ADD1: variants seen among roughly 807,000 people sequenced by gnomAD.
The protein encoded by ADD1 is adducin 1.
A neutral mutation model predicts 80.5 loss-of-function variants in ADD1; 24 were observed. The ratio of observed to expected loss-of-function variants is 0.30; its 90% confidence interval spans 0.22 to 0.42. The LOEUF (loss-of-function observed/expected upper bound fraction) is 0.42. Among genes scored for constraint, ADD1 ranks in the 10% least tolerant of loss-of-function variants. The probability of loss-of-function intolerance (pLI) is 1.00; values close to 1 mark genes in which losing one functional copy is unlikely to be tolerated. For missense variants in ADD1, 948 were observed against 1,019.0 expected (o/e 0.93, Z 0.95); for synonymous variants, 373 against 393.8 (o/e 0.95, Z 0.63).
chr4:2,852,692 A>G (rs929393653), intron 1 of ADD1, among the ~76,000 whole-genome samples: 1 of 143,142 alleles, frequency 7.0e-6, no homozygotes, highest in African/African-American at 2.5e-5. Context: ...AAAGCAGGAA[A>G]TATCTTTTTT....
chr4:2,876,669 T>G lies in ADD1; in HGVS notation c.195+559T>G, dbSNP rs994539080. ...GGCTAACACGGTGAAAACCCATCTC[T>G]ACTAAAAATACAAAAAAAAATTAGC... On this transcript the variant is annotated intron_variant, in intron 2 of 15. Coordinates refer to ENST00000683351, the MANE Select transcript of ADD1 (RefSeq NM_001354761.2). Among the ~76,000 whole-genome samples the G allele has an allele frequency of 2.0e-5, 3 of 152,056 alleles. No individual in the cohort carries two copies. The East Asian group carries it at 5.8e-4, about 29-fold the overall frequency.
At chr4:2,919,841 A>G (rs956089143) in intron 14 of ADD1, among the ~76,000 whole-genome samples, 1 of 151,220 alleles carries the variant, frequency 6.6e-6, no homozygotes, top group African/African-American at 2.4e-5. Flanking sequence ...TCTCTCCTTC[A>G]GTTCTGCACT....
chr4:2,926,742 GTTGTTTA>G lies in ADD1; in HGVS notation c.2047+633_2047+639del, dbSNP rs1711759376. The G allele has an allele frequency of 3.3e-6, 5 of 1,517,650 alleles. No homozygotes were observed. Among genetic ancestry groups the G allele is most frequent in the South Asian group, 2.3e-5 (2 of 85,322 alleles). 94.0% of individuals were successfully genotyped at this position (1,517,650 alleles called of 1,614,324 possible). ...CTTTGCCTCATTCTCCTGCTTCTTT[GTTGTTTA>G]TTAAGTTTTGTTTTCTGTTTATTTA... On this transcript the variant is annotated intron_variant, in intron 15 of 15. Coordinates refer to ENST00000683351, the MANE Select transcript of ADD1 (RefSeq NM_001354761.2). The surrounding 1 kb of genome is among the most constrained non-coding windows in gnomAD (Gnocchi z 5.0).
chr4:2,920,543 T>A (rs1343230425), intron 14 of ADD1, among the ~76,000 whole-genome samples: 5 of 152,178 alleles, frequency 3.3e-5, no homozygotes, highest in African/African-American at 4.8e-5. Flanking sequence ...TTTAAGATAG[T>A]TAGTTCTTGT....
intron 4 of ADD1, among the ~76,000 whole-genome samples, chr4:2,889,230 G>A (rs978231624): frequency 2.0e-5 from 3 of 152,192 alleles, no homozygotes; most frequent in East Asian, 1.9e-4. Context: ...GCAGCTCAGC[G>A]GGGTGGGGGA....
At chr4:2,892,735 T>C (rs1471073493) in intron 4 of ADD1, among the ~76,000 whole-genome samples, 2 of 151,906 alleles carry the variant, frequency 1.3e-5, no homozygotes, top group Admixed American at 6.6e-5. Context: ...CTCAGGAGGC[T>C]GAGATGTGTG....
intron 2 of ADD1, among the ~76,000 whole-genome samples, chr4:2,880,964 A>ATTTGAAAAGTAT (rs1732214131): frequency 6.6e-6 from 1 of 151,894 alleles, no homozygotes; most frequent in Non-Finnish European, 1.5e-5. Context: ...TTTAAAAGTA[A>ATTTGAAAAGTAT]TTTGAAAAGT....
intron 14 of ADD1, among the ~76,000 whole-genome samples, chr4:2,917,806 C>A (rs762862880): frequency 6.6e-6 from 1 of 152,138 alleles, no homozygotes; most frequent in Non-Finnish European, 1.5e-5. Context: ...TTGTTTTTGT[C>A]CAGTTTGTCA....
At chr4:2,845,214 A>G (rs1027795306) in intron 1 of ADD1, among the ~76,000 whole-genome samples, 2 of 152,102 alleles carry the variant, frequency 1.3e-5, no homozygotes, top group Non-Finnish European at 2.9e-5. Context: ...CTGGGACTAC[A>G]GGCGCGCGCC....
At chr4:2,925,324 G>A (rs1427087971) in intron 14 of ADD1, among the ~76,000 whole-genome samples, 1 of 152,044 alleles carries the variant, frequency 6.6e-6, no homozygotes, top group Non-Finnish European at 1.5e-5. Flanking sequence ...GATGATAGCT[G>A]CTGGTTCAAA....
intron 14 of ADD1, among the ~76,000 whole-genome samples, chr4:2,925,671 A>T (rs371437554): frequency 6.6e-6 from 1 of 152,224 alleles, no homozygotes; most frequent in Admixed American, 6.5e-5. Context: ...AGCAGGGAGA[A>T]GGCAGGGAGG....
chr4:2,860,023 T>C (rs146077225), intron 1 of ADD1, among the ~76,000 whole-genome samples: 1 of 152,098 alleles, frequency 6.6e-6, no homozygotes, highest in South Asian at 2.1e-4. Flanking sequence ...TCCTTCCTTA[T>C]AAAATCTTAC....
At chr4:2,913,597 C>G (rs150715325) in intron 13 of ADD1, among the ~76,000 whole-genome samples, 1 of 152,122 alleles carries the variant, frequency 6.6e-6, no homozygotes, top group Non-Finnish European at 1.5e-5. Context: ...CTGTCCCTCT[C>G]GGAGCTCTGT....
chr4:2,909,847 T>C (rs2109091955), intron 13 of ADD1, among the ~76,000 whole-genome samples: 1 of 151,952 alleles, frequency 6.6e-6, no homozygotes, highest in African/African-American at 2.4e-5. Context: ...TGGTTCAACT[T>C]TGACTGTAAA....
chr4:2,904,298 T>C (rs1736673799), intron 9 of ADD1, among the ~76,000 whole-genome samples: 1 of 152,150 alleles, frequency 6.6e-6, no homozygotes, highest in Non-Finnish European at 1.5e-5. Context: ...ACTTGTCCCA[T>C]CCCAGGGGTG....
intron 11 of ADD1, 78 bp from the exon 12 acceptor site, chr4:2,908,437 A>G: frequency 7.7e-7 from 1 of 1,299,646 alleles, no homozygotes; most frequent in Admixed American, 1.7e-5. Context: ...GCTGGGGCCC[A>G]AGTGCACAAG....
Position 2,914,974 on chromosome 4 carries a change from A to C in ADD1, c.1882A>C (p.Thr628Pro). 1 of 1,614,062 alleles carries C rather than the reference A, an allele frequency of 6.2e-7. No individual in the cohort carries two copies. The highest frequency in any genetic ancestry group is 1.1e-5 in the South Asian group (1 of 91,078). Reference sequence around the variant, plus strand: ...CACCACGGGCCCCAACCCCTTCACCACACTCACAGACCGTGAGCTGGAGGA... The same window carrying C: ...CACCACGGGCCCCAACCCCTTCACCCCACTCACAGACCGTGAGCTGGAGGA... ...VSTTGPNPFT[T>P]LTDRELEEYR... Residue 628 changes from threonine (T) to proline (P), a missense_variant, in exon 14 of 16, where the codon ACA becomes CCA. Coordinates refer to ENST00000683351, the MANE Select transcript of ADD1 (RefSeq NM_001354761.2).
Position 2,898,259 on chromosome 4 carries a change from T to C in ADD1, c.817T>C (p.Tyr273His). The C allele has an allele frequency of 6.2e-7, 1 of 1,614,250 alleles. No homozygotes were observed. Among genetic ancestry groups the C allele is most frequent in the Non-Finnish European group, 8.5e-7 (1 of 1,180,052 alleles). The stretch of plus-strand genomic sequence containing the variant: ...CCTTGGAGAAGTGGCTTATCATGAC[T>C]ACCATGGCATTCTGGTTGATGAAGA... ...LSLGEVAYHD[Y>H]HGILVDEEEK... The change falls in exon 7 of 16, where the codon TAC becomes CAC. Residue 273 changes from tyrosine to histidine, a missense_variant. By Grantham distance (83) the Tyr-to-His change is moderately conservative. Transcript: ENST00000683351.
chr4:2,882,056 C>T lies in ADD1; in HGVS notation c.354C>T (p.Asn118=). ...AAPQGGMAAL[N]MSLGMVTPVN... is the part of the protein sequence containing the mutation. ...CGCAAGGAGGGATGGCTGCCTTAAA[C>T]ATGAGTGAGTAGTTCCTGATTTTTA... Residue 118 remains asparagine (N), a synonymous_variant, in exon 3 of 16, where the codon AAC becomes AAT. Coordinates refer to ENST00000683351, the MANE Select transcript of ADD1 (RefSeq NM_001354761.2). The T allele has an allele frequency of 6.2e-7, 1 of 1,600,666 alleles. No individual in the cohort carries two copies. The highest frequency in any genetic ancestry group is 8.5e-7 in the Non-Finnish European group (1 of 1,176,262).
Sources: gnomAD v4.1 joint callset for allele counts (sites outside exome capture counted in the v4.1 genomes callset) on GRCh38, gnomAD v4.1.1 for gene constraint, Gnocchi (gnomAD v3.1) non-coding constraint, MANE v1.5 for transcripts, NCBI Gene and HGNC (gene_info 2026-07-23, HGNC 2026-07-21) for gene names.